Variants in ERC2 observed in about 807,000 individuals in gnomAD.
ERC2 encodes the protein ERC protein 2.
Under a neutral mutation model 114.8 loss-of-function variants are expected in ERC2, and 42 were observed. That is an observed-to-expected ratio of 0.37 (90% CI 0.29 to 0.47). The LOEUF is 0.47. ERC2 is among the 20% of genes least tolerant of loss of function. The pLI, the probability that ERC2 is intolerant of heterozygous loss-of-function variation, is 0.99. For missense variants in ERC2, 939 were observed against 1,150.7 expected, an observed-to-expected ratio of 0.82 and a Z score of 2.66; for synonymous variants, 454 against 425.5, an observed-to-expected ratio of 1.07 and a Z score of -0.82.
intron 17 of ERC2, chr3:55,658,145 T>C (rs761338184): frequency 6.6e-5 from 10 of 152,178 alleles, no homozygotes; most frequent in Non-Finnish European, 1.3e-4. Context: ...ACAGGTGAAT[T>C]CGGGATCTTA....
chr3:56,281,400 G>GCA (rs2054334208), intron 3 of ERC2, among the ~76,000 whole-genome samples: 1 of 90,984 alleles, frequency 1.1e-5, no homozygotes, highest in Non-Finnish European at 2.0e-5. Flanking sequence ...TCCCGCCACT[G>GCA]CACTCCAGCC....
At chr3:55,707,896 TGAA>T (rs548173232) in intron 15 of ERC2, among the ~76,000 whole-genome samples, 484 of 152,282 alleles carry the variant, frequency 3.2e-3, no homozygotes, top group African/African-American at 0.011. Context: ...ACTTTACAGA[TGAA>T]GAAGATGAGG....
At chr3:55,984,647 G>T (rs1338522574) in intron 12 of ERC2, among the ~76,000 whole-genome samples, 1 of 152,062 alleles carries the variant, frequency 6.6e-6, no homozygotes, top group Admixed American at 6.5e-5. Flanking sequence ...GATTTGTTCT[G>T]CTCCAGAAAG....
Position 55,603,769 on chromosome 3 carries a change from T to C in ERC2, c.*39+80025A>G, listed in dbSNP as rs550742052. ...AATCCTGAGATACAGTATTTTCACA[T>C]TCCATAAAAATCTGAACAGCTGCTT... On this transcript the variant is annotated intron_variant, in intron 17 of 17. Coordinates refer to ENST00000288221, the MANE Select transcript of ERC2 (RefSeq NM_015576.3). Among the ~76,000 whole-genome samples, 3 of 152,220 alleles carry C rather than the reference T, an allele frequency of 2.0e-5. No homozygotes were observed. The East Asian group carries it at 5.8e-4, about 29-fold the overall frequency.
intron 17 of ERC2, among the ~76,000 whole-genome samples, chr3:55,651,313 G>C (rs1378364004): frequency 6.6e-6 from 1 of 152,150 alleles, no homozygotes; most frequent in Non-Finnish European, 1.5e-5. Flanking sequence ...TGCTCGTCTA[G>C]AACCAAACTC....
chr3:56,289,739 T>C (rs1311135641), intron 3 of ERC2, among the ~76,000 whole-genome samples: 2 of 152,216 alleles, frequency 1.3e-5, no homozygotes, highest in Admixed American at 1.3e-4. Flanking sequence ...TGAAGCCAGT[T>C]GTCAGCTCTC....
chr3:55,774,075 C>A (rs2068424314), intron 14 of ERC2, among the ~76,000 whole-genome samples: 1 of 152,156 alleles, frequency 6.6e-6, no homozygotes, highest in Non-Finnish European at 1.5e-5. Flanking sequence ...CAGTAATTAA[C>A]CCCACCGCCT....
intron 2 of ERC2, among the ~76,000 whole-genome samples, chr3:56,336,399 C>T (rs1027852625): frequency 6.6e-6 from 1 of 152,292 alleles, no homozygotes; most frequent in Non-Finnish European, 1.5e-5. Flanking sequence ...GGAAGACATT[C>T]GAGCAGTCTA....
chr3:55,772,594 G>A (rs1345662638), intron 14 of ERC2, among the ~76,000 whole-genome samples: 1 of 152,208 alleles, frequency 6.6e-6, no homozygotes, highest in East Asian at 1.9e-4. Flanking sequence ...GGGATTACAG[G>A]CGTAAGCCAC....
chr3:56,303,036 G>T (rs2055987296), intron 2 of ERC2, among the ~76,000 whole-genome samples: 1 of 152,300 alleles, frequency 6.6e-6, no homozygotes, highest in Non-Finnish European at 1.5e-5. Flanking sequence ...GCTCAGAAAG[G>T]TTTTTACTCG....
intron 2 of ERC2, among the ~76,000 whole-genome samples, chr3:56,377,972 AT>A (rs2106678008): frequency 6.6e-6 from 1 of 152,328 alleles, no homozygotes; most frequent in East Asian, 1.9e-4. Flanking sequence ...ATGTATGTGA[AT>A]TTCACATTTT....
intron 2 of ERC2, among the ~76,000 whole-genome samples, chr3:56,341,992 C>A (rs912123865): frequency 6.6e-6 from 1 of 152,188 alleles, no homozygotes; most frequent in African/African-American, 2.4e-5. Flanking sequence ...CAAAGGGAAG[C>A]AAGCATGTGG....
At chr3:56,398,383 G>T (rs1031077886) in intron 2 of ERC2, among the ~76,000 whole-genome samples, 1 of 152,064 alleles carries the variant, frequency 6.6e-6, no homozygotes, top group African/African-American at 2.4e-5. Flanking sequence ...AGAAAAGTAG[G>T]GTTGCCAGAT....
At chr3:55,648,042 G>A (rs1035813444) in intron 17 of ERC2, among the ~76,000 whole-genome samples, 8 of 152,210 alleles carry the variant, frequency 5.3e-5, no homozygotes, top group Non-Finnish European at 8.8e-5. Context: ...ACAGCAAGAC[G>A]ATGGGGCCAT....
intron 17 of ERC2, among the ~76,000 whole-genome samples, chr3:55,583,416 TTCC>T (rs2057381824): frequency 7.2e-5 from 9 of 125,852 alleles, no homozygotes; most frequent in African/African-American, 2.5e-4. Context: ...CCTTCCTTCC[TTCC>T]TTCCTTCCTT....
chr3:55,554,676 C>T (rs1011374376), intron 17 of ERC2, among the ~76,000 whole-genome samples: 3 of 152,210 alleles, frequency 2.0e-5, no homozygotes, highest in South Asian at 2.1e-4. Flanking sequence ...GGTTCAGAGT[C>T]CTCTCTGCTG....
intron 13 of ERC2, among the ~76,000 whole-genome samples, chr3:55,948,007 G>T (rs1451283124): frequency 6.6e-6 from 1 of 152,124 alleles, no homozygotes; most frequent in Non-Finnish European, 1.5e-5. Flanking sequence ...AAAATATTTC[G>T]TACTGTGCTA....
intron 17 of ERC2, among the ~76,000 whole-genome samples, chr3:55,552,640 A>G (rs1008420925): frequency 2.3e-5 from 2 of 87,614 alleles, no homozygotes; most frequent in East Asian, 2.8e-4. Flanking sequence ...GGAAAAAAGG[A>G]AAAAAAAAAA....
chr3:55,874,675 C>T (rs753180306), intron 14 of ERC2, among the ~76,000 whole-genome samples: 1 of 152,058 alleles, frequency 6.6e-6, no homozygotes, highest in Non-Finnish European at 1.5e-5. Flanking sequence ...GAACAGAATT[C>T]GCCACAGATG....
Sources: allele counts gnomAD v4.1 joint callset (sites outside exome capture counted in the v4.1 genomes callset), GRCh38; gene constraint gnomAD v4.1.1; transcripts MANE v1.5; gene names NCBI Gene and HGNC (gene_info 2026-07-23, HGNC 2026-07-21).